PCDH9: variants seen among roughly 807,000 people sequenced by gnomAD.
PCDH9 encodes protocadherin 9, also known as protocadherin-9.
PCDH9 carries 24 observed loss-of-function variants against 70.6 expected under a neutral mutation model. The observed-to-expected ratio is 0.34, with a 90% CI of 0.25 to 0.48. The LOEUF (loss-of-function observed/expected upper bound fraction) is 0.48, where lower values mean the gene tolerates loss of function less well. Ranked by LOEUF, PCDH9 falls within the 20% of genes least tolerant of loss-of-function variation. PCDH9 has a pLI of 0.99. For synonymous variants in PCDH9, 562 were observed against 558.5 expected, an observed-to-expected ratio of 1.01 and a Z score of -0.09; for missense variants, 1,281 against 1,503.6, an observed-to-expected ratio of 0.85 and a Z score of 2.45.
At position 66,304,283 on chromosome 13, in the gene PCDH9, A is replaced by AG; in HGVS notation, c.*371_*372insC. 1 of 164,052 alleles carries AG rather than the reference A, an allele frequency of 6.1e-6. No individual in the cohort carries two copies. The allele number at this position is 164,052 out of a possible 1,614,324, so 10.2% of individuals were successfully genotyped here. On this transcript the variant is annotated 3_prime_UTR_variant, in exon 5 of 5. Coordinates refer to ENST00000377865, the MANE Select transcript of PCDH9 (RefSeq NM_203487.3). ...GACAAAAAAAAAAAAAAAAAAAAAA[A>AG]AAAGCACAATTTTCTAACTGGATAT...
At chr13:67,036,390 A>G (rs977182667) in intron 2 of PCDH9, among the ~76,000 whole-genome samples, 1 of 152,146 alleles carries the variant, frequency 6.6e-6, no homozygotes, top group Non-Finnish European at 1.5e-5. Context: ...CAGGTCTTTG[A>G]TAAGTCAACA....
intron 3 of PCDH9, among the ~76,000 whole-genome samples, chr13:66,777,796 G>A (rs1252399562): frequency 1.3e-5 from 2 of 152,092 alleles, no homozygotes; most frequent in African/African-American, 2.4e-5. Context: ...ATACCCAAAG[G>A]ACTATAAATC....
intron 4 of PCDH9, among the ~76,000 whole-genome samples, chr13:66,476,959 T>C (rs1325292470): frequency 6.6e-6 from 1 of 152,120 alleles, no homozygotes; most frequent in African/African-American, 2.4e-5. Context: ...TTATGGATAA[T>C]TCATTTTTGT....
At chr13:66,391,248 A>G (rs1438362132) in intron 4 of PCDH9, among the ~76,000 whole-genome samples, 1 of 152,232 alleles carries the variant, frequency 6.6e-6, no homozygotes, top group Admixed American at 6.5e-5. Flanking sequence ...TAAGTGATCA[A>G]CAACTATTTA....
chr13:66,912,631 C>T (rs1414971129), intron 2 of PCDH9, among the ~76,000 whole-genome samples: 1 of 151,814 alleles, frequency 6.6e-6, no homozygotes, highest in Non-Finnish European at 1.5e-5. Flanking sequence ...ATTCATTAAA[C>T]AAAATCAAGT....
chr13:66,852,192 G>C (rs1319818042), intron 3 of PCDH9, among the ~76,000 whole-genome samples: 1 of 152,004 alleles, frequency 6.6e-6, no homozygotes, highest in Non-Finnish European at 1.5e-5. Context: ...ATCCATAGTA[G>C]CTCTATATGC....
rs527695052 is a variant in PCDH9, at chr13:66,528,306, G to A, written c.3340+102904C>T. Reference sequence around the variant, plus strand: ...CTTCACAGGGGAGTCTTCCATTACCGACCTGGCATTCCTCCTCGGCAATAC... The same window carrying A: ...CTTCACAGGGGAGTCTTCCATTACCAACCTGGCATTCCTCCTCGGCAATAC... On this transcript the variant is annotated intron_variant, in intron 4 of 4. Coordinates refer to ENST00000377865, the MANE Select transcript of PCDH9 (RefSeq NM_203487.3). Among the ~76,000 whole-genome samples, 151 of 152,072 alleles carry A rather than the reference G, an allele frequency of 9.9e-4. 12 individuals carry two copies. The highest frequency in any genetic ancestry group is 7.2e-5 in the African/African-American group (3 of 41,504).
chr13:67,180,946 A>C (rs2088598992), intron 2 of PCDH9, among the ~76,000 whole-genome samples: 1 of 152,126 alleles, frequency 6.6e-6, no homozygotes, highest in Admixed American at 6.5e-5. Flanking sequence ...AACTGCAATA[A>C]GCATTATCGT....
At chr13:66,533,125 GC>G (rs1960539154) in intron 4 of PCDH9, among the ~76,000 whole-genome samples, 1 of 152,096 alleles carries the variant, frequency 6.6e-6, no homozygotes, top group African/African-American at 2.4e-5. Flanking sequence ...GTTATTTCTG[GC>G]AGAAAAGCAC....
chr13:66,623,566 G>A (rs375073502), intron 4 of PCDH9, among the ~76,000 whole-genome samples: 1 of 152,134 alleles, frequency 6.6e-6, no homozygotes, highest in East Asian at 1.9e-4. Context: ...AGCCTCCTTA[G>A]TAGCTAGGAC....
At chr13:67,094,496 T>C (rs554908305) in intron 2 of PCDH9, among the ~76,000 whole-genome samples, 1 of 152,322 alleles carries the variant, frequency 6.6e-6, no homozygotes, top group South Asian at 2.1e-4. Flanking sequence ...TACTGACTCC[T>C]ACCCTTAGAA....
intron 2 of PCDH9, among the ~76,000 whole-genome samples, chr13:67,141,763 AAAAAG>A (rs1451597629): frequency 1.4e-5 from 2 of 141,142 alleles, no homozygotes; most frequent in African/African-American, 2.5e-5. Context: ...TAAAAAAAAA[AAAAAG>A]AAGTTGGGAA....
chr13:66,593,142 A>C (rs1048795834), intron 4 of PCDH9, among the ~76,000 whole-genome samples: 17 of 151,706 alleles, frequency 1.1e-4, no homozygotes, highest in African/African-American at 3.6e-4. Context: ...ATAAAATTTC[A>C]TGGTACATTT....
chr13:66,661,757 T>C lies in PCDH9; in HGVS notation c.3139-30346A>G, dbSNP rs563406724. On this transcript the variant is annotated intron_variant, in intron 3 of 4. Coordinates refer to ENST00000377865, the MANE Select transcript of PCDH9 (RefSeq NM_203487.3). ...TTAAATGTGGAGCAATGGAACTATA[T>C]GACTAACTTTTAAATATGCTACTGA... Among the ~76,000 whole-genome samples, 185 of 152,312 alleles carry C rather than the reference T, an allele frequency of 1.2e-3. 1 individual carries two copies. The highest frequency in any genetic ancestry group is 2.1e-3 in the Non-Finnish European group (140 of 68,026).
chr13:66,765,000 GTCTC>G (rs1003735095), intron 3 of PCDH9, among the ~76,000 whole-genome samples: 1 of 150,724 alleles, frequency 6.6e-6, no homozygotes, highest in Non-Finnish European at 1.5e-5. Context: ...TTGTCCATCT[GTCTC>G]TCTCTCTGTC....
chr13:66,655,373 A>C (rs1430754049), intron 3 of PCDH9, among the ~76,000 whole-genome samples: 3 of 151,930 alleles, frequency 2.0e-5, no homozygotes, highest in Non-Finnish European at 4.4e-5. Flanking sequence ...GAAAATATTT[A>C]AATATTAATA....
intron 4 of PCDH9, among the ~76,000 whole-genome samples, chr13:66,388,833 A>G (rs1956973278): frequency 6.6e-6 from 1 of 152,164 alleles, no homozygotes; most frequent in South Asian, 2.1e-4. Flanking sequence ...ACAAATATGT[A>G]AAAATGTAGC....
chr13:67,093,451 T>A (rs2086258680), intron 2 of PCDH9, among the ~76,000 whole-genome samples: 1 of 152,120 alleles, frequency 6.6e-6, no homozygotes, highest in South Asian at 2.1e-4. Flanking sequence ...TGAGACTCCA[T>A]CTCAAATAAT....
chr13:67,095,494 T>C (rs572100625), intron 2 of PCDH9, among the ~76,000 whole-genome samples: 2 of 152,180 alleles, frequency 1.3e-5, no homozygotes, highest in African/African-American at 2.4e-5. Context: ...CATGATGACA[T>C]CTTCTCCTTT....
Sources: gnomAD v4.1 joint callset for allele counts (sites outside exome capture counted in the v4.1 genomes callset) on GRCh38, gnomAD v4.1.1 for gene constraint, MANE v1.5 for transcripts, NCBI Gene and HGNC (gene_info 2026-07-23, HGNC 2026-07-21) for gene names.